JAZF1: variants seen among roughly 807,000 people sequenced by gnomAD.
JAZF1 encodes the protein juxtaposed with another zinc finger protein 1.
A neutral mutation model predicts 26.4 loss-of-function variants in JAZF1; 8 were observed. The ratio of observed to expected loss-of-function variants is 0.30; its 90% CI spans 0.18 to 0.55. JAZF1 has a LOEUF of 0.55. Among genes scored for constraint, JAZF1 ranks in the 20% least tolerant of loss-of-function variants. The probability of loss-of-function intolerance (pLI) is 0.94; values close to 1 mark genes in which losing one functional copy is unlikely to be tolerated. For missense variants in JAZF1, 199 were observed against 322.0 expected, an observed-to-expected ratio of 0.62 and a Z score of 2.92; for synonymous variants, 126 against 122.3, an observed-to-expected ratio of 1.03 and a Z score of -0.20.
intron 1 of JAZF1, among the ~76,000 whole-genome samples, chr7:28,066,298 T>C (rs1783881565): frequency 6.6e-6 from 1 of 152,042 alleles, no homozygotes; most frequent in South Asian, 2.1e-4. Flanking sequence ...GGGCTGGAAG[T>C]GGCAAAGAAA....
chr7:28,080,565 G>C (rs1369391191), intron 1 of JAZF1, among the ~76,000 whole-genome samples: 1 of 152,186 alleles, frequency 6.6e-6, no homozygotes, highest in Non-Finnish European at 1.5e-5. Flanking sequence ...GAAAGTGAGA[G>C]ACGTGTTACT....
rs373017463 is a variant in JAZF1 at position 27,984,599 on chromosome 7, G to A, written c.188+7310C>T. Reference sequence around the variant, plus strand: ...AATTGAACTCAGCTCTGCACCAAGCGGACCTAATAGACATCTACAGAACTC... The same window carrying A: ...AATTGAACTCAGCTCTGCACCAAGCAGACCTAATAGACATCTACAGAACTC... On this transcript the variant is annotated intron_variant, in intron 2 of 4. Transcript: ENST00000283928. Among the ~76,000 whole-genome samples, 148 of 152,198 alleles carry A rather than the reference G, an allele frequency of 9.7e-4. 1 individual carries two copies. The highest frequency in any genetic ancestry group is 5.0e-3 in the South Asian group (24 of 4,812).
chr7:28,047,124 G>A (rs1357905000), intron 1 of JAZF1, among the ~76,000 whole-genome samples: 1 of 152,098 alleles, frequency 6.6e-6, no homozygotes, highest in Non-Finnish European at 1.5e-5. Context: ...TTTTCCCAAA[G>A]AGATTGCCAG....
chr7:28,094,085 C>T (rs1784344102), intron 1 of JAZF1, among the ~76,000 whole-genome samples: 1 of 152,158 alleles, frequency 6.6e-6, no homozygotes, highest in Non-Finnish European at 1.5e-5. Flanking sequence ...TAAATGTCCC[C>T]ACCACTCAGA....
At chr7:27,979,325 G>A (rs1785533617) in intron 2 of JAZF1, among the ~76,000 whole-genome samples, 1 of 127,670 alleles carries the variant, frequency 7.8e-6, no homozygotes, top group Admixed American at 9.1e-5. Flanking sequence ...ATATTTTGCA[G>A]AAAATACAGT....
chr7:27,906,861 TAATGAACAAAACAAAGAAGC>T (rs536029317), intron 2 of JAZF1, among the ~76,000 whole-genome samples: 186 of 152,348 alleles, frequency 1.2e-3, no homozygotes, highest in African/African-American at 4.3e-3. Flanking sequence ...ACGTAAAGAC[TAATGAACAAAACAAAGAAGC>T]TGCACTTTAC....
chr7:27,945,142 T>A (rs7776864), intron 2 of JAZF1, among the ~76,000 whole-genome samples: 38,005 of 151,686 alleles, frequency 0.25, 5,065 homozygotes, highest in South Asian at 0.37. Flanking sequence ...AATTTTTTTT[T>A]AAAAAAATCT....
chr7:28,032,593 T>C (rs138095466), intron 1 of JAZF1, among the ~76,000 whole-genome samples: 2,323 of 152,212 alleles, frequency 0.015, 23 homozygotes, highest in Middle Eastern at 0.031. Context: ...CCTCTTCTGT[T>C]TGTGAGAAGT....
intron 1 of JAZF1, among the ~76,000 whole-genome samples, chr7:28,138,433 A>G (rs1782917272): frequency 6.6e-6 from 1 of 152,364 alleles, no homozygotes; most frequent in East Asian, 1.9e-4. Flanking sequence ...CAGCATTGCT[A>G]TGACTATTTC....
intron 1 of JAZF1, among the ~76,000 whole-genome samples, chr7:27,994,333 T>G (rs1372610387): frequency 6.6e-6 from 1 of 152,122 alleles, no homozygotes; most frequent in Non-Finnish European, 1.5e-5. Flanking sequence ...TTTTCTTAAT[T>G]TGCTTCATCA....
intron 1 of JAZF1, among the ~76,000 whole-genome samples, chr7:28,136,245 G>C (rs986291687): frequency 6.6e-6 from 1 of 152,212 alleles, no homozygotes; most frequent in African/African-American, 2.4e-5. Context: ...AAGAAGCTGG[G>C]ACACAGAGTT....
intron 2 of JAZF1, among the ~76,000 whole-genome samples, chr7:27,896,619 T>C (rs2128342267): frequency 6.6e-6 from 1 of 152,358 alleles, no homozygotes; most frequent in Middle Eastern, 3.4e-3. Flanking sequence ...GTCTACAAAA[T>C]TCCTTAGTAT....
chr7:28,124,185 C>G (rs145917775), intron 1 of JAZF1, among the ~76,000 whole-genome samples: 218 of 152,214 alleles, frequency 1.4e-3, no homozygotes, highest in Middle Eastern at 0.01. Context: ...AAGAGGAGAG[C>G]AGGACACACA....
intron 1 of JAZF1, among the ~76,000 whole-genome samples, chr7:28,130,387 G>A (rs367853061): frequency 1.3e-5 from 2 of 152,240 alleles, no homozygotes; most frequent in Admixed American, 1.3e-4. Flanking sequence ...TTCAACTAGG[G>A]AGTGGTTGAA....
intron 2 of JAZF1, among the ~76,000 whole-genome samples, chr7:27,898,023 A>G (rs1032280453): frequency 1.3e-5 from 2 of 152,230 alleles, no homozygotes; most frequent in African/African-American, 2.4e-5. Flanking sequence ...CTCAAAATGC[A>G]GAAGCTGTTA....
At chr7:28,143,474 G>A (rs543479898) in intron 1 of JAZF1, among the ~76,000 whole-genome samples, 3 of 152,102 alleles carry the variant, frequency 2.0e-5, no homozygotes, top group Non-Finnish European at 2.9e-5. Context: ...GCTCCTGGCC[G>A]GTGTGCCTGT....
At chr7:28,137,066 C>T (rs906267068) in intron 1 of JAZF1, among the ~76,000 whole-genome samples, 2 of 152,210 alleles carry the variant, frequency 1.3e-5, no homozygotes, top group Non-Finnish European at 2.9e-5. Context: ...TACCATCTTA[C>T]CGAGGCAGCT....
chr7:27,998,683 A>G (rs1473991365), intron 1 of JAZF1, among the ~76,000 whole-genome samples: 1 of 152,218 alleles, frequency 6.6e-6, no homozygotes, highest in Non-Finnish European at 1.5e-5. Flanking sequence ...TTAAATATCT[A>G]AAAGTCAGGG....
chr7:27,909,523 A>G (rs950335747), intron 2 of JAZF1, among the ~76,000 whole-genome samples: 1 of 152,012 alleles, frequency 6.6e-6, no homozygotes, highest in African/African-American at 2.4e-5. Flanking sequence ...CCTGACCAAC[A>G]TGGAGAAACC....
Sources: allele counts gnomAD v4.1 joint callset (sites outside exome capture counted in the v4.1 genomes callset), GRCh38; gene constraint gnomAD v4.1.1; transcripts MANE v1.5; gene names NCBI Gene and HGNC (gene_info 2026-07-23, HGNC 2026-07-21).